PPP2R5C: variants seen among roughly 807,000 people sequenced by gnomAD.
The protein encoded by PPP2R5C is protein phosphatase 2 regulatory subunit B'gamma.
PPP2R5C carries 7 observed loss-of-function variants against 68.9 expected under a neutral mutation model. The ratio of observed to expected loss-of-function variants is 0.10; its 90% CI spans 0.06 to 0.19. PPP2R5C has a LOEUF of 0.19. Ranked by LOEUF, PPP2R5C falls within the 10% of genes least tolerant of loss-of-function variation. The probability of loss-of-function intolerance (pLI) is 1.00; values close to 1 mark genes in which losing one functional copy is unlikely to be tolerated. For synonymous variants in PPP2R5C, 210 were observed against 222.2 expected (o/e 0.95, Z 0.49); for missense variants, 348 against 641.3 (o/e 0.54, Z 4.94).
Position 101,781,106 on chromosome 14 carries a change from G to A in PPP2R5C, c.94-4912G>A, listed in dbSNP as rs960433063. 6.6e-6 allele frequency among the ~76,000 whole-genome samples: 1 copy of A among 152,198 alleles called. No homozygotes were observed. On this transcript the variant is annotated intron_variant, in intron 2 of 14. Coordinates refer to the PPP2R5C transcript ENST00000328724. The surrounding 1 kb of genome is among the most constrained non-coding windows in gnomAD (Gnocchi z 6.4). ...CCAGCTACAGGTGCCTTGCGGTGCCGCCACTGGAGGAGTCTTTGCAGGTTT... is the reference window on the plus strand; with the variant it reads ...CCAGCTACAGGTGCCTTGCGGTGCCACCACTGGAGGAGTCTTTGCAGGTTT...
At chr14:101,861,452 T>C (rs901819672) in intron 2 of PPP2R5C, among the ~76,000 whole-genome samples, 13 of 152,192 alleles carry the variant, frequency 8.5e-5, no homozygotes, top group Non-Finnish European at 1.9e-4. Context: ...TTTGTACCGA[T>C]GGTGCAGAAG....
intron 5 of PPP2R5C, among the ~76,000 whole-genome samples, chr14:101,886,435 A>G (rs1363480485): frequency 6.6e-6 from 1 of 151,904 alleles, no homozygotes; most frequent in East Asian, 1.9e-4. Flanking sequence ...GTCTGTGTGC[A>G]TGCTTTTGAT....
chr14:101,860,220 C>T (rs1285034772), intron 2 of PPP2R5C, among the ~76,000 whole-genome samples: 1 of 152,132 alleles, frequency 6.6e-6, no homozygotes, highest in Non-Finnish European at 1.5e-5. Flanking sequence ...CCACCCCCAG[C>T]CCTGAGCAAC....
chr14:101,923,802 T>C (rs961302464), intron 13 of PPP2R5C, among the ~76,000 whole-genome samples: 4 of 148,630 alleles, frequency 2.7e-5, no homozygotes, highest in African/African-American at 5.1e-5. Flanking sequence ...AGCAAAAATT[T>C]GAACTTTACA....
chr14:101,762,905 G>C (rs866276514), exon 2 of PPP2R5C: 1 of 1,581,098 alleles, frequency 6.3e-7, no homozygotes, highest in Non-Finnish European at 8.6e-7. Context: ...TGTTTACCAG[G>C]AATCACCAAA....
At chr14:101,865,819 G>A (rs971154019) in intron 2 of PPP2R5C, among the ~76,000 whole-genome samples, 1 of 152,150 alleles carries the variant, frequency 6.6e-6, no homozygotes, top group South Asian at 2.1e-4. Context: ...TGCTTACCAG[G>A]GGGACGCCTC....
intron 1 of PPP2R5C, among the ~76,000 whole-genome samples, chr14:101,854,738 C>T (rs2042324274): frequency 6.6e-6 from 1 of 152,172 alleles, no homozygotes; most frequent in Non-Finnish European, 1.5e-5. Context: ...CGTGAAAGAG[C>T]ACTCTTTATG....
exon 14 of PPP2R5C, chr14:101,926,087 T>TA (rs1327878171): frequency 3.3e-4 from 51 of 152,408 alleles, no homozygotes; most frequent in African/African-American, 1.2e-3. Context: ...TCCGTCAACT[T>TA]AAACATTGTT....
rs1433393368 is a variant in PPP2R5C, at chr14:101,781,494, C to G, written c.94-4524C>G. On this transcript the variant is annotated intron_variant, in intron 2 of 14. Transcript: ENST00000328724. This position sits in a 1 kb window ranked among gnomAD's most constrained non-coding sequence, Gnocchi z 6.4. Reference sequence around the variant, plus strand: ...CCCGCCGGGCCCTCCTGCCGCCCCCCAGCCTCCCCGCCCCTGCCCTTGCCA... The same window carrying G: ...CCCGCCGGGCCCTCCTGCCGCCCCCGAGCCTCCCCGCCCCTGCCCTTGCCA... Among the ~76,000 whole-genome samples, 1 of 151,964 alleles carries G rather than the reference C, an allele frequency of 6.6e-6. No individual in the cohort carries two copies. Among genetic ancestry groups the G allele is most frequent in the Non-Finnish European group, 1.5e-5 (1 of 67,948 alleles).
chr14:101,886,752 G>T (rs1024589422), intron 5 of PPP2R5C, among the ~76,000 whole-genome samples: 3 of 150,654 alleles, frequency 2.0e-5, no homozygotes, highest in Non-Finnish European at 4.4e-5. Flanking sequence ...TTAAGGCAGG[G>T]TCTCACTCTG....
intron 2 of PPP2R5C, among the ~76,000 whole-genome samples, chr14:101,770,673 A>G (rs1467388348): frequency 6.6e-6 from 1 of 152,244 alleles, no homozygotes; most frequent in Non-Finnish European, 1.5e-5. Context: ...GCTACGGTAT[A>G]TGCAATTCTA....
chr14:101,874,802 C>G (rs1045233545), intron 2 of PPP2R5C, among the ~76,000 whole-genome samples: 1 of 151,988 alleles, frequency 6.6e-6, no homozygotes. Context: ...TGCAGTGGCA[C>G]GATCTCAGCT....
intron 2 of PPP2R5C, chr14:101,765,734 ATTTTTTT>A (rs544989366): frequency 0.011 from 1,283 of 115,048 alleles, 19 homozygotes; most frequent in African/African-American, 0.038. Flanking sequence ...TGCCCAGCTA[ATTTTTTT>A]TTTTTTTTTT....
At chr14:101,820,398 T>C (rs1012345180) in intron 1 of PPP2R5C, 1 of 152,132 alleles carries the variant, frequency 6.6e-6, no homozygotes, top group Non-Finnish European at 1.5e-5. Context: ...CATGCAGCAG[T>C]GTGTTCTCAG....
chr14:101,765,486 T>A, intron 2 of PPP2R5C: 1 of 525,196 alleles, frequency 1.9e-6, no homozygotes, highest in Non-Finnish European at 3.4e-6. Flanking sequence ...TTCCCTCTCC[T>A]CTCTCTCAGT....
chr14:101,820,820 A>C (rs118182778), intron 1 of PPP2R5C: 1 of 152,210 alleles, frequency 6.6e-6, no homozygotes, highest in Admixed American at 6.5e-5. Flanking sequence ...TTTTCATAAA[A>C]TATTACTTAA....
At position 101,894,512 on chromosome 14, in the gene PPP2R5C, A is replaced by G. The variant is rs773154085; in HGVS notation, c.804A>G (p.Ala268=). ...TTTCTCCTTTTACTTTTTAGCTGGC[A>G]TACTGTGTAGTGCAGTTTTTAGAAA... The change falls in exon 8 of 14, where the codon GCA becomes GCG. Residue 268 remains alanine (A), a synonymous_variant. Coordinates refer to ENST00000334743, the Ensembl canonical transcript of PPP2R5C. The G allele has an allele frequency of 3.7e-6, 6 of 1,613,698 alleles. No individual in the cohort carries two copies. In the Admixed American group the frequency reaches 6.7e-5, roughly 18 times the overall value.
upstream of PPP2R5C, chr14:101,760,720 T>C (rs1385289028): frequency 2.3e-6 from 2 of 884,146 alleles, no homozygotes; most frequent in African/African-American, 6.5e-5. Flanking sequence ...TGCGGAAAGC[T>C]GAGCTGGTGA....
At chr14:101,809,679 C>A, upstream of PPP2R5C, 1 of 423,762 alleles carries the variant, frequency 2.4e-6, no homozygotes, top group Non-Finnish European at 3.7e-6. Flanking sequence ...TACTGAGAAA[C>A]GAAGGCTGCA....
Sources: gnomAD v4.1 joint callset for allele counts (sites outside exome capture counted in the v4.1 genomes callset) on GRCh38, gnomAD v4.1.1 for gene constraint, Gnocchi (gnomAD v3.1) non-coding constraint, MANE v1.5 for transcripts, NCBI Gene and HGNC (gene_info 2026-07-23, HGNC 2026-07-21) for gene names.